The following NOL4 variants were observed in gnomAD, a reference collection of about 807,000 sequenced individuals.
The protein encoded by NOL4 is nucleolar protein 4.
Under a neutral mutation model 75.9 loss-of-function variants are expected in NOL4, and 17 were observed. The ratio of observed to expected loss-of-function variants is 0.22; its 90% CI spans 0.15 to 0.34. NOL4 has a LOEUF of 0.34. NOL4 is among the 10% of genes least tolerant of loss of function. The pLI is 1.00. For missense variants in NOL4, 614 were observed against 793.5 expected, an observed-to-expected ratio of 0.77 and a Z score of 2.72; for synonymous variants, 292 against 289.9, an observed-to-expected ratio of 1.01 and a Z score of -0.07.
intron 10 of NOL4, among the ~76,000 whole-genome samples, chr18:33,857,499 A>C (rs1447382189): frequency 6.6e-6 from 1 of 152,054 alleles, no homozygotes; most frequent in Non-Finnish European, 1.5e-5. Context: ...CCAATTCTGC[A>C]GCAAAAATTA....
chr18:34,019,840 T>C (rs1007229831), intron 5 of NOL4, among the ~76,000 whole-genome samples: 3 of 151,612 alleles, frequency 2.0e-5, no homozygotes, highest in Non-Finnish European at 4.4e-5. Flanking sequence ...CCAATGTCCA[T>C]AGTGGGGTCT....
chr18:33,963,233 CTGAGA>C (rs1190189127), intron 6 of NOL4, among the ~76,000 whole-genome samples: 2 of 152,118 alleles, frequency 1.3e-5, no homozygotes, highest in Non-Finnish European at 2.9e-5. Flanking sequence ...TCAAACTAGT[CTGAGA>C]TAAGAACCAA....
At chr18:34,172,414 T>C (rs2033135361) in intron 1 of NOL4, among the ~76,000 whole-genome samples, 1 of 152,160 alleles carries the variant, frequency 6.6e-6, no homozygotes, top group Non-Finnish European at 1.5e-5. Flanking sequence ...ATTTTCTTTA[T>C]TCATTCATGT....
rs576415583 is a variant in NOL4 at position 34,108,300 on chromosome 18, T to C, written c.415-3140A>G. ...GACCAAGAAAGGAAGAAAAGAAAAA[T>C]AGTCATAAAACAGTTAGTAAAATGG... On this transcript the variant is annotated intron_variant, in intron 2 of 10. Transcript: ENST00000261592. Among the ~76,000 whole-genome samples the C allele has an allele frequency of 6.6e-5, 10 of 151,462 alleles. No homozygotes were observed. In the South Asian group the frequency reaches 1.9e-3, roughly 28 times the overall value.
At chr18:33,974,029 G>C (rs1394074630) in intron 6 of NOL4, among the ~76,000 whole-genome samples, 1 of 152,114 alleles carries the variant, frequency 6.6e-6, no homozygotes, top group Non-Finnish European at 1.5e-5. Flanking sequence ...GTCCTAGATG[G>C]CTTCTTCTTC....
At chr18:33,872,433 T>C (rs1219642443) in intron 10 of NOL4, among the ~76,000 whole-genome samples, 1 of 152,000 alleles carries the variant, frequency 6.6e-6, no homozygotes, top group Non-Finnish European at 1.5e-5. Context: ...CAGCATTAAG[T>C]TTCTATAAGG....
At chr18:34,123,240 T>TA (rs2080229292) in intron 2 of NOL4, among the ~76,000 whole-genome samples, 1 of 151,826 alleles carries the variant, frequency 6.6e-6, no homozygotes, top group Non-Finnish European at 1.5e-5. Flanking sequence ...AATTCAATTT[T>TA]AATGAATGGC....
chr18:33,947,579 CTATCTA>C (rs1295131222), intron 8 of NOL4, among the ~76,000 whole-genome samples: 1 of 150,794 alleles, frequency 6.6e-6, no homozygotes, highest in Non-Finnish European at 1.5e-5. Flanking sequence ...CTCTCTTTCT[CTATCTA>C]TATCTTAGAA....
At chr18:34,106,023 T>A (rs949150004) in intron 2 of NOL4, among the ~76,000 whole-genome samples, 6 of 152,070 alleles carry the variant, frequency 3.9e-5, no homozygotes, top group Non-Finnish European at 7.4e-5. Context: ...TACTAAGAAG[T>A]CTGATGCCGG....
chr18:34,086,125 G>C (rs886478731), intron 5 of NOL4, among the ~76,000 whole-genome samples: 1 of 152,008 alleles, frequency 6.6e-6, no homozygotes, highest in African/African-American at 2.4e-5. Flanking sequence ...ATGTGAATTA[G>C]GTTTAATAAT....
At chr18:33,873,423 A>G (rs2063789058) in intron 10 of NOL4, among the ~76,000 whole-genome samples, 1 of 152,000 alleles carries the variant, frequency 6.6e-6, no homozygotes, top group Non-Finnish European at 1.5e-5. Context: ...TAATTATGGT[A>G]AACATGTCTT....
chr18:34,181,081 T>A (rs2033993914), intron 1 of NOL4, among the ~76,000 whole-genome samples: 1 of 151,460 alleles, frequency 6.6e-6, no homozygotes, highest in Non-Finnish European at 1.5e-5. Context: ...AGGCTAATTC[T>A]AAATTTCATA....
intron 1 of NOL4, among the ~76,000 whole-genome samples, chr18:34,135,771 G>T (rs1229421455): frequency 1.4e-5 from 2 of 141,484 alleles, no homozygotes; most frequent in African/African-American, 5.3e-5. Context: ...AACATTCAAA[G>T]AATCAATGGA....
chr18:34,094,823 TGAA>T (rs1332725025), intron 4 of NOL4, among the ~76,000 whole-genome samples: 4 of 152,184 alleles, frequency 2.6e-5, no homozygotes, highest in Admixed American at 2.6e-4. Context: ...AATTTATAGA[TGAA>T]GAAATTGAGG....
intron 10 of NOL4, among the ~76,000 whole-genome samples, chr18:33,872,385 C>T (rs569627819): frequency 6.6e-6 from 1 of 152,066 alleles, no homozygotes; most frequent in South Asian, 2.1e-4. Context: ...TATTTAAAAG[C>T]CAGGCAGTTT....
At chr18:33,911,538 C>T (rs539173521) in intron 9 of NOL4, among the ~76,000 whole-genome samples, 2 of 151,990 alleles carry the variant, frequency 1.3e-5, no homozygotes, top group African/African-American at 4.8e-5. Context: ...TTTTTGTATC[C>T]CAGGAGTTCT....
chr18:34,016,038 C>T (rs763068059), intron 6 of NOL4, among the ~76,000 whole-genome samples: 1 of 152,000 alleles, frequency 6.6e-6, no homozygotes, highest in Non-Finnish European at 1.5e-5. Context: ...AGAATGTTCA[C>T]ATTAATGGGA....
intron 6 of NOL4, among the ~76,000 whole-genome samples, chr18:34,013,445 A>G (rs11874678): frequency 0.14 from 20,678 of 151,840 alleles, 1,494 homozygotes; most frequent in Middle Eastern, 0.23. Flanking sequence ...ACTATTTTCC[A>G]TCCTATACCC....
chr18:34,182,202 C>T (rs913112593), intron 1 of NOL4, among the ~76,000 whole-genome samples: 2 of 151,540 alleles, frequency 1.3e-5, no homozygotes, highest in African/African-American at 4.8e-5. Context: ...TATGGCATAT[C>T]GGTATAATGG....
Sources: gnomAD v4.1 joint callset for allele counts (sites outside exome capture counted in the v4.1 genomes callset) on GRCh38, gnomAD v4.1.1 for gene constraint, MANE v1.5 for transcripts, NCBI Gene and HGNC (gene_info 2026-07-23, HGNC 2026-07-21) for gene names.